The following SLC10A6 variants were observed in gnomAD, a reference collection of about 807,000 sequenced individuals.
SLC10A6 encodes solute carrier family 10 member 6, also known as sodium-dependent organic anion transporter.
A neutral mutation model predicts 30.0 loss-of-function variants in SLC10A6; 27 were observed. That is an observed-to-expected ratio of 0.90 (90% confidence interval 0.66 to 1.24). The LOEUF (loss-of-function observed/expected upper bound fraction) is 1.24. Ranked by LOEUF, SLC10A6 falls within the 50% of genes most tolerant of loss-of-function variation. The pLI is 0.00. For missense variants in SLC10A6, 439 were observed against 457.0 expected, an observed-to-expected ratio of 0.96 and a Z score of 0.36; for synonymous variants, 166 against 173.8, an observed-to-expected ratio of 0.95 and a Z score of 0.36.
rs144273089 is a variant in SLC10A6, at chr4:86,825,459, C to T, written c.880G>A (p.Gly294Arg). ...VQMLSFPLAY[G>R]LFQLIDGFLI... ...AATCCATCTATCAGCTGGAAGAGTC[C>T]ATAGGCCAGTGGGAAACTCAACATC... is the stretch of plus-strand genomic sequence containing the variant. The change falls in exon 5 of 6, where the codon GGA becomes AGA. Residue 294 changes from glycine (G) to arginine (R), a missense_variant. Transcript: ENST00000273905. 1,759 of 1,611,570 alleles carry T rather than the reference C, an allele frequency of 1.1e-3. 2 individuals are homozygous for T. Among genetic ancestry groups the T allele is most frequent in the Non-Finnish European group, 1.4e-3 (1,596 of 1,178,046 alleles).
intron 4 of SLC10A6, among the ~76,000 whole-genome samples, chr4:86,826,863 C>T (rs1262115063): frequency 6.6e-6 from 1 of 152,112 alleles, no homozygotes; most frequent in Admixed American, 6.6e-5. Context: ...AGAGGTGTTT[C>T]AGAAAACAAA....
At chr4:86,837,636 CAAGTT>C in intron 1 of SLC10A6, 1 of 985,258 alleles carries the variant, frequency 1.0e-6, no homozygotes, top group Non-Finnish European at 1.2e-6. Flanking sequence ...TCCCAAATCG[CAAGTT>C]AAGGCTGTAT....
At chr4:86,847,662 T>C (rs555523296) in intron 1 of SLC10A6, among the ~76,000 whole-genome samples, 5 of 152,272 alleles carry the variant, frequency 3.3e-5, no homozygotes, top group African/African-American at 1.2e-4. Context: ...AGGTGAAATA[T>C]GTTCCATACG....
chr4:86,824,825 T>C (rs1745951759), intron 5 of SLC10A6, among the ~76,000 whole-genome samples: 1 of 152,220 alleles, frequency 6.6e-6, no homozygotes, highest in Non-Finnish European at 1.5e-5. Flanking sequence ...TATTTGGTTT[T>C]CTGTTCTTGC....
Position 86,826,523 on chromosome 4 carries a change from C to G in SLC10A6, c.762-946G>C, listed in dbSNP as rs186535161. Among the ~76,000 whole-genome samples the G allele has an allele frequency of 1.8e-3, 269 of 146,704 alleles. 1 individual carries two copies. Among genetic ancestry groups the G allele is most frequent in the South Asian group, 4.5e-3 (21 of 4,716 alleles). On this transcript the variant is annotated intron_variant, in intron 4 of 5. Coordinates refer to ENST00000273905, the MANE Select transcript of SLC10A6 (RefSeq NM_197965.3). ...TTGAATCCAGGAGGCAGAGGTTGCA[C>G]TCCAGCCTGGGCAACGAGGTCTCAA...
At chr4:86,828,649 C>T (rs1410628464) in intron 3 of SLC10A6, among the ~76,000 whole-genome samples, 1 of 151,992 alleles carries the variant, frequency 6.6e-6, no homozygotes, top group Non-Finnish European at 1.5e-5. Flanking sequence ...GATCCCTGTC[C>T]TTCTCCCCTC....
intron 1 of SLC10A6, among the ~76,000 whole-genome samples, chr4:86,844,106 A>G (rs1230088930): frequency 6.6e-6 from 1 of 152,176 alleles, no homozygotes; most frequent in Non-Finnish European, 1.5e-5. Flanking sequence ...TGAACCTGGG[A>G]GGCAGAGCTT....
chr4:86,846,147 A>T (rs1360469930), intron 1 of SLC10A6, among the ~76,000 whole-genome samples: 1 of 152,244 alleles, frequency 6.6e-6, no homozygotes, highest in African/African-American at 2.4e-5. Flanking sequence ...TTGGTATTCA[A>T]TTATGAAGAA....
chr4:86,846,197 T>C (rs1286389319), intron 1 of SLC10A6, among the ~76,000 whole-genome samples: 1 of 152,224 alleles, frequency 6.6e-6, no homozygotes, highest in Non-Finnish European at 1.5e-5. Flanking sequence ...GTACTTGATT[T>C]TCACCTATTT....
At chr4:86,844,169 C>G (rs1433184901) in intron 1 of SLC10A6, among the ~76,000 whole-genome samples, 1 of 152,056 alleles carries the variant, frequency 6.6e-6, no homozygotes, top group African/African-American at 2.4e-5. Context: ...CAGAGCGAGA[C>G]TCCGTCTCAA....
rs79257706 is a variant in SLC10A6, at chr4:86,833,028, T to C, written c.496+278A>G. ...TTTTTTTTTCAAAAATGCACTCTTA[T>C]AGGGATGAAAGTTTGCACTTTGTAG... is the stretch of plus-strand genomic sequence containing the variant. On this transcript the variant is annotated intron_variant, in intron 2 of 5. Coordinates refer to ENST00000273905, the MANE Select transcript of SLC10A6 (RefSeq NM_197965.3). 7.2e-3 allele frequency among the ~76,000 whole-genome samples: 1,097 copies of C among 152,228 alleles called. 19 individuals carry two copies. Among genetic ancestry groups the C allele is most frequent in the African/African-American group, 0.024 (1,015 of 41,536 alleles).
chr4:86,830,723 C>T (rs1315451140), intron 3 of SLC10A6, among the ~76,000 whole-genome samples: 1 of 152,164 alleles, frequency 6.6e-6, no homozygotes, highest in Non-Finnish European at 1.5e-5. Flanking sequence ...ACGGCAAAAG[C>T]TTAAACCAAG....
At chr4:86,827,310 G>C (rs1311638571) in intron 4 of SLC10A6, among the ~76,000 whole-genome samples, 1 of 152,182 alleles carries the variant, frequency 6.6e-6, no homozygotes, top group Non-Finnish European at 1.5e-5. Context: ...ACTTGGTCAA[G>C]TCACTTAATT....
chr4:86,833,948 T>C (rs1420185826), intron 1 of SLC10A6, among the ~76,000 whole-genome samples: 1 of 152,208 alleles, frequency 6.6e-6, no homozygotes, highest in African/African-American at 2.4e-5. Flanking sequence ...GGACATTTCA[T>C]ATCAACAGAA....
intron 5 of SLC10A6, 151 bp downstream of exon 5, chr4:86,825,269 G>T (rs1188789106): frequency 1.6e-6 from 1 of 609,886 alleles, no homozygotes; most frequent in Non-Finnish European, 2.8e-6. Flanking sequence ...AAACTATCCT[G>T]TCTATGTGCC....
chr4:86,831,922 C>T, intron 2 of SLC10A6, 42 bp from the exon 3 acceptor site: 1 of 1,465,478 alleles, frequency 6.8e-7, no homozygotes. Context: ...TCCCTCTCAC[C>T]CTGACTGCAC....
intron 3 of SLC10A6, among the ~76,000 whole-genome samples, chr4:86,828,524 C>T (rs902916947): frequency 6.6e-6 from 1 of 151,922 alleles, no homozygotes; most frequent in Non-Finnish European, 1.5e-5. Flanking sequence ...TCCAACACCC[C>T]TGCACACACC....
chr4:86,830,879 T>C (rs1046285954), intron 3 of SLC10A6, among the ~76,000 whole-genome samples: 1 of 152,202 alleles, frequency 6.6e-6, no homozygotes, highest in African/African-American at 2.4e-5. Context: ...TACAACCTTC[T>C]ATCTGCTAAA....
At chr4:86,829,129 G>C (rs991319655) in intron 3 of SLC10A6, among the ~76,000 whole-genome samples, 3 of 152,192 alleles carry the variant, frequency 2.0e-5, no homozygotes, top group South Asian at 4.1e-4. Context: ...AAAGCCTCTT[G>C]GTCAGGCATG....
Sources: allele counts gnomAD v4.1 joint callset (sites outside exome capture counted in the v4.1 genomes callset), GRCh38; gene constraint gnomAD v4.1.1; transcripts MANE v1.5; gene names NCBI Gene and HGNC (gene_info 2026-07-23, HGNC 2026-07-21).